AP1M2: variants seen among roughly 807,000 people sequenced by gnomAD.
The protein encoded by AP1M2 is AP-1 complex subunit mu-2.
A neutral mutation model predicts 54.6 loss-of-function variants in AP1M2; 41 were observed. That is an observed-to-expected ratio of 0.75 (90% CI 0.59 to 0.97). The LOEUF is 0.97. Among genes scored for constraint, AP1M2 ranks in the 50% least tolerant of loss-of-function variants. The pLI, the probability that AP1M2 is intolerant of heterozygous loss-of-function variation, is 0.00. For missense variants in AP1M2, 507 were observed against 561.2 expected (o/e 0.90, Z 0.98); for synonymous variants, 219 against 215.9 (o/e 1.01, Z -0.13).
rs1295087567 is a variant in AP1M2, at chr19:10,575,045, G to A, written c.1048-16C>T. 3 of 1,481,630 alleles carry A rather than the reference G, an allele frequency of 2.0e-6. No homozygotes were observed. Among genetic ancestry groups the A allele is most frequent in the South Asian group, 2.8e-5 (2 of 72,510 alleles). 91.8% of individuals were successfully genotyped at this position (1,481,630 alleles called of 1,614,324 possible). A position where few individuals can be genotyped will look rare whatever the true frequency, so the allele number is the denominator to read the frequency against. ...CCTTGCCCCCCTGAGGGAACATGGG[G>A]GCATCAGGTACACGAGGGTCCGCCT... On this transcript the variant is annotated splice_polypyrimidine_tract_variant and intron_variant, in intron 9 of 11. Coordinates refer to ENST00000250244, the MANE Select transcript of AP1M2 (RefSeq NM_005498.5).
At chr19:10,587,118 A>G (rs901280401) in intron 1 of AP1M2, 72 bp downstream of exon 1, 1 of 1,519,400 alleles carries the variant, frequency 6.6e-7, no homozygotes, top group Non-Finnish European at 8.9e-7. Context: ...GCCCGCGCGG[A>G]GGGGTCGCCC....
In AP1M2 at chr19:10,574,585, G is replaced by A. The variant is rs1261993859; in HGVS notation, c.1174-93C>T. 4.5e-6 allele frequency: 5 copies of A among 1,111,542 alleles called. No homozygotes were observed. The East Asian group carries it at 1.0e-4, about 23-fold the overall frequency. The allele number at this position is 1,111,542 out of a possible 1,614,324, so 68.9% of individuals were successfully genotyped here. On this transcript the variant is annotated intron_variant, in intron 10 of 11. Coordinates refer to ENST00000250244, the MANE Select transcript of AP1M2 (RefSeq NM_005498.5). The stretch of plus-strand genomic sequence containing the variant: ...GACGGCTTAGGCCAAGCGGCTATGT[G>A]GCACAGGCTGGGATCGATGAGGGGA...
intron 6 of AP1M2, 88 bp downstream of exon 6, chr19:10,581,178 C>G (rs978627546): frequency 1.3e-6 from 2 of 1,503,304 alleles, no homozygotes; most frequent in Non-Finnish European, 1.8e-6. Context: ...TATTTCAAAA[C>G]GGGCTGCGAT....
At position 10,578,906 on chromosome 19, in the gene AP1M2, C is replaced by T. The variant is rs752894084; in HGVS notation, c.874G>A (p.Glu292Lys). ...CCAAGGCCCACCTTGACCATGATCT[C>T]CACGCGGCTGTGGGAGAACTTCTCA... ...VIEKFSHSRV[E>K]IMVKAKGQFK... The change falls in exon 8 of 12, where the codon GAG becomes AAG. Residue 292 changes from glutamate (E) to lysine (K), a missense_variant. By Grantham distance (56) the Glu-to-Lys change is moderately conservative. Transcript: ENST00000250244. The T allele has an allele frequency of 4.4e-6, 7 of 1,608,484 alleles. No individual in the cohort carries two copies. Among genetic ancestry groups the T allele is most frequent in the Non-Finnish European group, 5.9e-6 (7 of 1,177,518 alleles).
chr19:10,587,220 C>G lies in AP1M2; in HGVS notation c.12G>C (p.Ser4=). ...CCTTAACGTCCAGAATGAAGACAGC[C>G]GAGGCGGACATGGTGGCGGCCGAAG... MSA[S]AVFILDVKGK... The change falls in exon 1 of 12, where the codon TCG becomes TCC. Residue 4 remains serine, a synonymous_variant. Coordinates refer to ENST00000250244, the MANE Select transcript of AP1M2 (RefSeq NM_005498.5). 1 of 1,563,654 alleles carries G rather than the reference C, an allele frequency of 6.4e-7. No individual in the cohort carries two copies. Among genetic ancestry groups the G allele is most frequent in the Non-Finnish European group, 8.7e-7 (1 of 1,154,146 alleles).
intron 10 of AP1M2, 136 bp downstream of exon 10, chr19:10,574,768 G>A: frequency 8.1e-7 from 1 of 1,233,866 alleles, no homozygotes; most frequent in South Asian, 1.6e-5. Flanking sequence ...AGGTAACATT[G>A]CTCTGGGAAA....
At chr19:10,581,435 G>A (rs369130961) in intron 5 of AP1M2, 43 bp from the exon 6 acceptor site, 35 of 1,609,958 alleles carry the variant, frequency 2.2e-5, no homozygotes, top group African/African-American at 2.7e-5. Context: ...ATCAAACTCC[G>A]TCTCCTGCAG....
chr19:10,585,996 G>A (rs991026877), intron 1 of AP1M2, among the ~76,000 whole-genome samples: 3 of 151,810 alleles, frequency 2.0e-5, no homozygotes, highest in African/African-American at 2.4e-5. Context: ...AAAATAGGCC[G>A]GGTGCGGCCG....
intron 4 of AP1M2, 40 bp from the exon 5 acceptor site, chr19:10,581,674 G>A: frequency 1.2e-6 from 2 of 1,612,636 alleles, no homozygotes; most frequent in Non-Finnish European, 1.7e-6. Context: ...TGGACCCAGG[G>A]ACACCTCCGT....
chr19:10,578,055 C>T (rs1917304577), intron 8 of AP1M2, among the ~76,000 whole-genome samples: 1 of 152,086 alleles, frequency 6.6e-6, no homozygotes, highest in Non-Finnish European at 1.5e-5. Context: ...CATTTTGAAT[C>T]AGGCAAAGGT....
chr19:10,584,867 C>T (rs906590324), intron 1 of AP1M2: 4 of 151,686 alleles, frequency 2.6e-5, no homozygotes, highest in African/African-American at 9.7e-5. Context: ...GTCCAGAATC[C>T]CTGCTGTTGC....
chr19:10,580,465 T>TC (rs1247249738), intron 6 of AP1M2, among the ~76,000 whole-genome samples: 1 of 151,656 alleles, frequency 6.6e-6, no homozygotes, highest in East Asian at 2.0e-4. Context: ...ATCGAGACCA[T>TC]CCTGGCCAAC....
Position 10,581,335 on chromosome 19 carries a change from C to G in AP1M2, c.604G>C (p.Val202Leu), listed in dbSNP as rs763285534. 1.2e-6 allele frequency: 2 copies of G among 1,613,906 alleles called. No homozygotes were observed. The highest frequency in any genetic ancestry group is 1.7e-6 in the Non-Finnish European group (2 of 1,179,786). Residue 202 changes from valine (V) to leucine (L), a missense_variant, in exon 6 of 12, where the codon GTG becomes CTG. Physicochemically the swap from Val to Leu is conservative, Grantham distance 32 (BLOSUM62 1). Coordinates refer to ENST00000250244, the MANE Select transcript of AP1M2 (RefSeq NM_005498.5). The stretch of plus-strand genomic sequence containing the variant: ...AGCTCTGGCATTCCTGACAGAAACA[C>G]CTTGAGCTTGATGGTACCGACGATT... ...SEIVGTIKLK[V>L]FLSGMPELRL...
At chr19:10,580,012 C>A in intron 6 of AP1M2, 154 bp from the exon 7 acceptor site, 1 of 499,652 alleles carries the variant, frequency 2.0e-6, no homozygotes, top group Non-Finnish European at 3.4e-6. Context: ...GAGCTGGAAT[C>A]TGAACCTAGT....
In AP1M2 at chr19:10,583,970, G is replaced by A. The variant is rs1166148359; in HGVS notation, c.143C>T (p.Pro48Leu). The change falls in exon 2 of 12, where the codon CCG (proline) becomes CTG (leucine). Residue 48 changes from proline to leucine, a missense_variant. Coordinates refer to ENST00000250244, the MANE Select transcript of AP1M2 (RefSeq NM_005498.5). ...VQREEEGALAPLLSHGQVHFL... is the reference protein window; with the variant it reads ...VQREEEGALALLLSHGQVHFL... ...GTGGACCTGGCCGTGGCTCAGCAGC[G>A]GGGCCAGGGCGCCTTCCTCCTCCCG... 5.6e-6 allele frequency: 9 copies of A among 1,604,596 alleles called. No individual in the cohort carries two copies. Among genetic ancestry groups the A allele is most frequent in the African/African-American group, 1.3e-5 (1 of 74,900 alleles).
rs532673727 is a variant in AP1M2 at position 10,573,919 on chromosome 19, C to T, written c.1249+498G>A. 3.7e-4 allele frequency among the ~76,000 whole-genome samples: 56 copies of T among 152,204 alleles called. 1 individual carries two copies. Among genetic ancestry groups the T allele is most frequent in the African/African-American group, 1.3e-3 (55 of 41,532 alleles). ...CAAGCGGTCCTCCCACCTCAGCCTC[C>T]CAAAGTGCTGGAATTACAGATGTGA... On this transcript the variant is annotated intron_variant, in intron 11 of 11. Coordinates refer to ENST00000250244, the MANE Select transcript of AP1M2 (RefSeq NM_005498.5).
Position 10,581,538 on chromosome 19 carries a change from C to T in AP1M2, c.495G>A (p.Lys165=), listed in dbSNP as rs776569518. The T allele has an allele frequency of 7.4e-6, 12 of 1,613,824 alleles. No individual in the cohort carries two copies. The highest frequency in any genetic ancestry group is 1.0e-5 in the Non-Finnish European group (12 of 1,179,884). Residue 165 remains lysine, a synonymous_variant, in exon 5 of 12, where the codon AAG becomes AAA. Transcript: ENST00000250244. The part of the protein sequence containing the change: ...NAVSWRSEGI[K]YKKNEVFIDV... ...CAATGAAGACCTCGTTCTTCTTATA[C>T]TTGATACCCTCGGAGCGCCAGGACA...
intron 1 of AP1M2, among the ~76,000 whole-genome samples, chr19:10,585,590 A>G (rs1917633899): frequency 6.6e-6 from 1 of 151,882 alleles, no homozygotes; most frequent in African/African-American, 2.4e-5. Flanking sequence ...CCAGCTACTC[A>G]GGAGGCTAAG....
chr19:10,581,305 G>C lies in AP1M2; in HGVS notation c.634C>G (p.Leu212Val). ...VFLSGMPELR[L>V]GLNDRVLFEL... ...AAGAGCACGCGGTCATTGAGGCCCA[G>C]CCGCAGCTCTGGCATTCCTGACAGA... The change falls in exon 6 of 12, where the codon CTG becomes GTG. Residue 212 changes from leucine (L) to valine (V), a missense_variant. Leu to Val is a conservative substitution (Grantham distance 32). Transcript: ENST00000250244. 1 of 1,613,884 alleles carries C rather than the reference G, an allele frequency of 6.2e-7. No homozygotes were observed. Among genetic ancestry groups the C allele is most frequent in the Non-Finnish European group, 8.5e-7 (1 of 1,179,778 alleles).
Sources: gnomAD v4.1 joint callset for allele counts (sites outside exome capture counted in the v4.1 genomes callset) on GRCh38, gnomAD v4.1.1 for gene constraint, MANE v1.5 for transcripts, NCBI Gene and HGNC (gene_info 2026-07-23, HGNC 2026-07-21) for gene names.